The following VWA3B variants were observed in gnomAD, a reference collection of about 807,000 sequenced individuals.
The protein encoded by VWA3B is von Willebrand factor A domain containing 3B.
VWA3B carries 138 observed loss-of-function variants against 158.3 expected under a neutral mutation model. The ratio of observed to expected loss-of-function variants is 0.87; its 90% CI spans 0.76 to 1.00. The LOEUF is 1.00. Ranked by LOEUF, VWA3B falls within the 50% of genes least tolerant of loss-of-function variation. VWA3B has a pLI of 0.00. For missense variants in VWA3B, 1,555 were observed against 1,565.1 expected, an observed-to-expected ratio of 0.99 and a Z score of 0.11; for synonymous variants, 596 against 587.3, an observed-to-expected ratio of 1.01 and a Z score of -0.21.
chr2:98,138,101 C>T (rs1462292314), intron 7 of VWA3B, among the ~76,000 whole-genome samples: 2 of 152,230 alleles, frequency 1.3e-5, no homozygotes, highest in African/African-American at 4.8e-5. Context: ...TAACACCATC[C>T]ACTTTCCTCT....
the VWA3B span, among the ~76,000 whole-genome samples, chr2:98,321,831 A>G: frequency 2.0e-5 from 3 of 152,156 alleles, no homozygotes; most frequent in African/African-American, 7.2e-5. Flanking sequence ...GGGAGGGGCT[A>G]GTGGTGGAAT....
Position 98,290,633 on chromosome 2 carries a change from T to G in VWA3B, c.3157+11T>G. ...GCTTTTATTTTCCAGGTAGTTTTTT[T>G]TTTTTTAATTTCGTGAGGCTTTTGT... On this transcript the variant is annotated intron_variant, in intron 23 of 27. Coordinates refer to ENST00000477737, the MANE Select transcript of VWA3B (RefSeq NM_144992.5). The G allele has an allele frequency of 6.4e-7, 1 of 1,563,850 alleles. No homozygotes were observed. The highest frequency in any genetic ancestry group is 8.7e-7 in the Non-Finnish European group (1 of 1,148,700).
chr2:98,237,707 A>G (rs1340210675), intron 19 of VWA3B, among the ~76,000 whole-genome samples: 1 of 152,226 alleles, frequency 6.6e-6, no homozygotes, highest in Non-Finnish European at 1.5e-5. Context: ...GCTTCCAGGC[A>G]AATACAACAG....
chr2:98,189,236 T>C (rs1681376945), intron 10 of VWA3B, among the ~76,000 whole-genome samples: 1 of 152,094 alleles, frequency 6.6e-6, no homozygotes. Context: ...TGAAACCCTG[T>C]CTCTACTAAA....
At chr2:98,197,438 A>G (rs551409670) in intron 12 of VWA3B, among the ~76,000 whole-genome samples, 11 of 152,290 alleles carry the variant, frequency 7.2e-5, no homozygotes, top group African/African-American at 2.6e-4. Flanking sequence ...AGCTATGCAA[A>G]TATCATTTGT....
intron 10 of VWA3B, chr2:98,192,411 G>C (rs188646665): frequency 1.8e-5 from 3 of 162,638 alleles, no homozygotes; most frequent in African/African-American, 7.2e-5. Context: ...GTTCTCTGGC[G>C]GGCAGAGTGG....
chr2:98,201,818 G>A (rs184487965), intron 12 of VWA3B, among the ~76,000 whole-genome samples: 176 of 152,252 alleles, frequency 1.2e-3, no homozygotes, highest in African/African-American at 3.9e-3. Context: ...GGTGCACTAC[G>A]TTGATTTGTT....
the VWA3B span, among the ~76,000 whole-genome samples, chr2:98,326,422 C>G: frequency 6.6e-6 from 1 of 152,118 alleles, no homozygotes; most frequent in Non-Finnish European, 1.5e-5. Context: ...AAAAGAAGCT[C>G]CAGGCCCAGA....
intron 7 of VWA3B, among the ~76,000 whole-genome samples, chr2:98,153,888 G>A (rs1277574248): frequency 1.3e-5 from 2 of 152,156 alleles, no homozygotes; most frequent in Admixed American, 6.5e-5. Flanking sequence ...TCTTGAGACA[G>A]TCTCGCTCTG....
intron 2 of VWA3B, among the ~76,000 whole-genome samples, chr2:98,111,866 T>C (rs981542397): frequency 6.6e-6 from 1 of 152,188 alleles, no homozygotes; most frequent in African/African-American, 2.4e-5. Flanking sequence ...ACTTTATAAG[T>C]TGTCTGCTTA....
the VWA3B span, among the ~76,000 whole-genome samples, chr2:98,325,824 CA>C: frequency 2.6e-5 from 4 of 152,078 alleles, no homozygotes; most frequent in East Asian, 1.9e-4. Context: ...AGACCAAAAC[CA>C]AAAACCAGTA....
chr2:98,175,416 G>A (rs1397839276), intron 8 of VWA3B, among the ~76,000 whole-genome samples: 1 of 152,166 alleles, frequency 6.6e-6, no homozygotes, highest in Non-Finnish European at 1.5e-5. Context: ...AAGTTCTGGA[G>A]TACAAAGTAT....
At chr2:98,247,277 T>A (rs1160805008) in intron 19 of VWA3B, among the ~76,000 whole-genome samples, 1 of 152,072 alleles carries the variant, frequency 6.6e-6, no homozygotes, top group East Asian at 1.9e-4. Context: ...GGATTACAGG[T>A]GTGAGCCACC....
rs145826659 is a variant in VWA3B at position 98,162,667 on chromosome 2, G to C, written c.989-184G>C. 2.4e-3 allele frequency among the ~76,000 whole-genome samples: 372 copies of C among 152,328 alleles called. 4 individuals are homozygous for C. The highest frequency in any genetic ancestry group is 8.2e-3 in the African/African-American group (342 of 41,582). On this transcript the variant is annotated intron_variant, in intron 7 of 27. Coordinates refer to ENST00000477737, the MANE Select transcript of VWA3B (RefSeq NM_144992.5). ...CTAAAGTCTGCATTTATGATTTCTT[G>C]AGATGATATCACTTCCTTGGGGATT...
intron 5 of VWA3B, among the ~76,000 whole-genome samples, chr2:98,124,785 A>G (rs1429625164): frequency 6.6e-6 from 1 of 152,208 alleles, no homozygotes; most frequent in Admixed American, 6.5e-5. Flanking sequence ...TCAGAGTAGA[A>G]GCACACACTC....
intron 6 of VWA3B, 72 bp from the exon 7 acceptor site, chr2:98,133,752 C>A (rs957588614): frequency 1.5e-6 from 2 of 1,340,976 alleles, no homozygotes; most frequent in Non-Finnish European, 1.1e-6. Context: ...CACGTTCAGT[C>A]CCAGGAGAAG....
chr2:98,115,654 T>G lies in VWA3B; in HGVS notation c.199T>G (p.Tyr67Asp). The G allele has an allele frequency of 1.2e-5, 20 of 1,613,472 alleles. No individual in the cohort carries two copies. Among genetic ancestry groups the G allele is most frequent in the Non-Finnish European group, 1.7e-5 (20 of 1,179,710 alleles). Residue 67 changes from tyrosine (Y) to aspartate (D), a missense_variant and splice_region_variant, in exon 3 of 28, where the codon TAT (tyrosine) becomes GAT (aspartate). By Grantham distance (160) the Tyr-to-Asp change is radical (BLOSUM62 -3). Coordinates refer to ENST00000477737, the MANE Select transcript of VWA3B (RefSeq NM_144992.5). Reference protein sequence around the residue: ...SQIGFPHCEDYVASLGRPVAS... With the variant: ...SQIGFPHCEDDVASLGRPVAS... The stretch of plus-strand genomic sequence containing the variant: ...TGTTTTTCTTTATAAAAATGCAGAT[T>G]ATGTGGCGTCTCTGGGGAGACCTGT...
chr2:98,113,455 A>G (rs1674301060), intron 2 of VWA3B, among the ~76,000 whole-genome samples: 2 of 152,154 alleles, frequency 1.3e-5, no homozygotes, highest in Admixed American at 1.3e-4. Flanking sequence ...TCTGCATATA[A>G]GTAGACCCAT....
At chr2:98,118,647 A>G (rs1389880600) in intron 3 of VWA3B, among the ~76,000 whole-genome samples, 1 of 152,136 alleles carries the variant, frequency 6.6e-6, no homozygotes, top group East Asian at 1.9e-4. Flanking sequence ...AGTGATCGGG[A>G]TATAAACCCA....
Sources: allele counts gnomAD v4.1 joint callset (sites outside exome capture counted in the v4.1 genomes callset), GRCh38; gene constraint gnomAD v4.1.1; transcripts MANE v1.5; gene names NCBI Gene and HGNC (gene_info 2026-07-23, HGNC 2026-07-21).